The following AMPD3 variants were observed in gnomAD, a reference collection of about 807,000 sequenced individuals.
AMPD3 encodes AMP deaminase 3.
A neutral mutation model predicts 82.3 loss-of-function variants in AMPD3; 57 were observed. That is an observed-to-expected ratio of 0.69 (90% CI 0.56 to 0.86). The LOEUF (loss-of-function observed/expected upper bound fraction) is 0.86, where lower values mean the gene tolerates loss of function less well. AMPD3 is among the 40% of genes least tolerant of loss of function. AMPD3 has a pLI of 0.00. For missense variants in AMPD3, 870 were observed against 1,003.8 expected (o/e 0.87, Z 1.80); for synonymous variants, 381 against 394.7 (o/e 0.97, Z 0.41).
chr11:10,450,841 C>T, upstream of AMPD3: 1 of 1,197,274 alleles, frequency 8.4e-7, no homozygotes, highest in African/African-American at 1.6e-5. Context: ...TCCCGCGGGG[C>T]CCTCCTGGCC....
chr11:10,470,357 C>T (rs1209838910), intron 2 of AMPD3, among the ~76,000 whole-genome samples: 2 of 152,158 alleles, frequency 1.3e-5, no homozygotes, highest in East Asian at 1.9e-4. Context: ...CAGGCAATAT[C>T]ATACTGAATG....
chr11:10,453,404 G>T (rs1423050064), upstream of AMPD3, among the ~76,000 whole-genome samples: 2 of 152,130 alleles, frequency 1.3e-5, no homozygotes, highest in African/African-American at 4.8e-5. Flanking sequence ...TCAGGTATGG[G>T]GATACAACTG....
chr11:10,484,915 C>T lies in AMPD3; in HGVS notation c.685C>T (p.Leu229Phe). 1 of 1,614,134 alleles carries T rather than the reference C, an allele frequency of 6.2e-7. No homozygotes were observed. Among genetic ancestry groups the T allele is most frequent in the Non-Finnish European group, 8.5e-7 (1 of 1,180,024 alleles). ...CTTGGTCCACATGCAGGGGGGCATC[C>T]TCTTTGTGTATGATAACAAGAAGAT... ...DYLVHMQGGI[L>F]FVYDNKKMLE... Residue 229 changes from leucine (L) to phenylalanine (F), a missense_variant, in exon 5 of 15, where the codon CTC becomes TTC. Coordinates refer to ENST00000396553, the MANE Select transcript of AMPD3 (RefSeq NM_001025389.2).
At chr11:10,476,819 A>T in intron 2 of AMPD3, 1 of 693,030 alleles carries the variant, frequency 1.4e-6, no homozygotes, top group South Asian at 6.3e-5. Context: ...CTGGGGCAGG[A>T]TGCTTGGCTG....
intron 2 of AMPD3, 156 bp from the exon 3 acceptor site, chr11:10,478,370 G>C: frequency 1.0e-6 from 1 of 982,086 alleles, no homozygotes; most frequent in Non-Finnish European, 1.2e-6. Context: ...ATGTGTAAGA[G>C]GAAGGCATGA....
intron 8 of AMPD3, 160 bp downstream of exon 8, chr11:10,495,190 C>T: frequency 1.0e-6 from 1 of 985,422 alleles, no homozygotes; most frequent in Non-Finnish European, 1.2e-6. Flanking sequence ...TGTGGTCTGG[C>T]TGCCTGCTCC....
At chr11:10,462,891 C>T (rs1848313267) in intron 2 of AMPD3, among the ~76,000 whole-genome samples, 1 of 152,172 alleles carries the variant, frequency 6.6e-6, no homozygotes, top group Admixed American at 6.5e-5. Flanking sequence ...CCCCCAGTTT[C>T]TTCCAGAAGG....
Position 10,493,348 on chromosome 11 carries a change from G to C in AMPD3, c.940-1G>C. Reference sequence around the variant, plus strand: ...AGGGCCTGGTGGGCGCTGTGTTCCAGGTGGACACACACATCCATGCGGCCG... The same window carrying C: ...AGGGCCTGGTGGGCGCTGTGTTCCACGTGGACACACACATCCATGCGGCCG... On this transcript the variant is annotated splice_acceptor_variant, in intron 6 of 14. Transcript: ENST00000396553. LOFTEE classifies it high-confidence loss of function. 6.2e-7 allele frequency: 1 copy of C among 1,614,092 alleles called. No individual in the cohort carries two copies. Among genetic ancestry groups the C allele is most frequent in the Non-Finnish European group, 8.5e-7 (1 of 1,180,038 alleles).
intron 14 of AMPD3, 54 bp downstream of exon 14, chr11:10,504,713 G>A (rs1849669640): frequency 1.3e-6 from 2 of 1,520,106 alleles, no homozygotes; most frequent in African/African-American, 1.4e-5. Flanking sequence ...TGCCTGCTGT[G>A]TGCCAGGAGC....
intron 10 of AMPD3, chr11:10,497,574 C>T (rs983748049): frequency 1.4e-5 from 14 of 985,126 alleles, no homozygotes; most frequent in African/African-American, 5.2e-5. Flanking sequence ...AGAGGCACAG[C>T]GGGGAGCCCG....
intron 3 of AMPD3, chr11:10,481,298 G>T (rs746503815): frequency 5.9e-5 from 19 of 320,862 alleles, no homozygotes; most frequent in Non-Finnish European, 8.1e-5. Flanking sequence ...TTTGCTTCTT[G>T]TTTTGTTTCG....
At chr11:10,450,889 C>T, upstream of AMPD3, 1 of 1,231,316 alleles carries the variant, frequency 8.1e-7, no homozygotes, top group African/African-American at 1.6e-5. Flanking sequence ...ACGCCCGGCC[C>T]CCGCGCCTGC....
intron 10 of AMPD3, chr11:10,499,726 C>T (rs1849522500): frequency 1.0e-6 from 1 of 985,430 alleles, no homozygotes; most frequent in Non-Finnish European, 1.2e-6. Flanking sequence ...GCAATGGCCA[C>T]TCCTCCCTGC....
At chr11:10,451,420 C>T (rs954870421), upstream of AMPD3, among the ~76,000 whole-genome samples, 4 of 152,228 alleles carry the variant, frequency 2.6e-5, no homozygotes, top group Non-Finnish European at 4.4e-5. Flanking sequence ...TACCTGGAGG[C>T]GAGGGATGCA....
At position 10,494,947 on chromosome 11, in the gene AMPD3, C is replaced by T. The variant is rs368114311; in HGVS notation, c.1183C>T (p.Pro395Ser). 6.2e-7 allele frequency: 1 copy of T among 1,614,226 alleles called. No individual in the cohort carries two copies. Among genetic ancestry groups the T allele is most frequent in the Non-Finnish European group, 8.5e-7 (1 of 1,180,032 alleles). Residue 395 changes from proline (P) to serine (S), a missense_variant, in exon 8 of 15, where the codon CCT becomes TCT. Coordinates refer to ENST00000396553, the MANE Select transcript of AMPD3 (RefSeq NM_001025389.2). ...TGACAAGTTCAACTCCAAATACAAC[C>T]CTGTGGGGGCCAGTGAGCTGCGTGA... ...RFDKFNSKYN[P>S]VGASELRDLY...
rs541217527 is a variant in AMPD3, at chr11:10,491,309, T to C, written c.940-2040T>C. Among the ~76,000 whole-genome samples the C allele has an allele frequency of 5.9e-5, 9 of 152,290 alleles. No homozygotes were observed. The East Asian group carries it at 1.7e-3, about 29-fold the overall frequency. Reference sequence around the variant, plus strand: ...GGCCATCCCTCAGCTTAGCTGGGGCTTCATTTCCTTAGGGCTTGTGGTTGT... The same window carrying C: ...GGCCATCCCTCAGCTTAGCTGGGGCCTCATTTCCTTAGGGCTTGTGGTTGT... On this transcript the variant is annotated intron_variant, in intron 6 of 14. Transcript: ENST00000396553.
intron 2 of AMPD3, among the ~76,000 whole-genome samples, chr11:10,468,896 G>A (rs1203703576): frequency 5.9e-5 from 9 of 152,108 alleles, no homozygotes; most frequent in African/African-American, 2.2e-4. Context: ...ATGACTACTG[G>A]GTAAATAAGG....
chr11:10,456,328 G>A lies in AMPD3; in HGVS notation c.-6+880G>A. On this transcript the variant is annotated intron_variant, in intron 1 of 14. Transcript: ENST00000396553. The surrounding 1 kb of genome is among the most constrained non-coding windows in gnomAD (Gnocchi z 4.3). ...ACGCACTGACTCAGCTGAGCCTCCT[G>A]GGTGGCAGGCAGCACCTCACCCGGG... 1 of 1,612,548 alleles carries A rather than the reference G, an allele frequency of 6.2e-7. No individual in the cohort carries two copies. Among genetic ancestry groups the A allele is most frequent in the Non-Finnish European group, 8.5e-7 (1 of 1,178,908 alleles).
intron 2 of AMPD3, among the ~76,000 whole-genome samples, chr11:10,465,334 A>C (rs1848387578): frequency 6.6e-6 from 1 of 152,246 alleles, no homozygotes. Flanking sequence ...TATGTTCAGC[A>C]TGCTTTGAGG....
Sources: allele counts gnomAD v4.1 joint callset (sites outside exome capture counted in the v4.1 genomes callset), GRCh38; gene constraint gnomAD v4.1.1; non-coding constraint Gnocchi (gnomAD v3.1); transcripts MANE v1.5; gene names NCBI Gene and HGNC (gene_info 2026-07-23, HGNC 2026-07-21).